The following UBAC2 variants were observed in gnomAD, a reference collection of about 807,000 sequenced individuals.
UBAC2 encodes UBA domain containing 2, also known as ubiquitin-associated domain-containing protein 2.
UBAC2 carries 26 observed loss-of-function variants against 44.0 expected under a neutral mutation model. The observed-to-expected ratio is 0.59, with a 90% confidence interval of 0.43 to 0.82. The LOEUF (loss-of-function observed/expected upper bound fraction) is 0.82. Among genes scored for constraint, UBAC2 ranks in the 40% least tolerant of loss-of-function variants. The pLI is 0.00. For missense variants in UBAC2, 329 were observed against 419.4 expected (o/e 0.78, Z 1.88); for synonymous variants, 155 against 154.3 (o/e 1.00, Z -0.04).
intron 5 of UBAC2, among the ~76,000 whole-genome samples, chr13:99,317,160 C>T (rs2044503618): frequency 6.6e-6 from 1 of 152,076 alleles, no homozygotes; most frequent in Non-Finnish European, 1.5e-5. Flanking sequence ...TCTGTGTGTC[C>T]TTGGTAAGTG....
intron 7 of UBAC2, among the ~76,000 whole-genome samples, chr13:99,358,704 G>T (rs1298024452): frequency 6.6e-6 from 1 of 152,170 alleles, no homozygotes; most frequent in Non-Finnish European, 1.5e-5. Context: ...GGTCTCACAC[G>T]GGGCAGTGAG....
chr13:99,221,978 T>G (rs2043056691), intron 1 of UBAC2, among the ~76,000 whole-genome samples: 1 of 152,212 alleles, frequency 6.6e-6, no homozygotes, highest in African/African-American at 2.4e-5. Flanking sequence ...GTCACAGTTT[T>G]GTCTTCTGTA....
chr13:99,220,607 A>G (rs1471585512), intron 1 of UBAC2, among the ~76,000 whole-genome samples: 1 of 152,180 alleles, frequency 6.6e-6, no homozygotes, highest in African/African-American at 2.4e-5. Context: ...TTACTTTTAG[A>G]TTAATGCGTT....
intron 1 of UBAC2, chr13:99,201,602 G>T: frequency 1.2e-6 from 2 of 1,611,090 alleles, no homozygotes; most frequent in Non-Finnish European, 1.7e-6. Context: ...CCAGTTAAAC[G>T]GCTTTTCTCA....
intron 4 of UBAC2, among the ~76,000 whole-genome samples, chr13:99,304,119 C>G (rs2138739501): frequency 6.6e-6 from 1 of 152,328 alleles, no homozygotes; most frequent in African/African-American, 2.4e-5. Flanking sequence ...CCCTCATGAT[C>G]TGAGCTCCAT....
At chr13:99,362,822 T>G (rs1019599680) in intron 7 of UBAC2, among the ~76,000 whole-genome samples, 1 of 152,246 alleles carries the variant, frequency 6.6e-6, no homozygotes, top group Non-Finnish European at 1.5e-5. Context: ...TGTAAACATT[T>G]TCTCTCAATC....
intron 7 of UBAC2, among the ~76,000 whole-genome samples, chr13:99,357,389 T>C (rs188316249): frequency 6.6e-6 from 1 of 152,218 alleles, no homozygotes; most frequent in African/African-American, 2.4e-5. Context: ...CCTGAAGTGC[T>C]TCTTGTTTAG....
rs1251958876 is a variant in UBAC2 at position 99,287,628 on chromosome 13, CTTTTTTTTTTCTTTCTTTTTT to C, written c.390-26458_390-26438del. ...GTAAGGAAAAATATCTTTCTTTCTTCTTTTTTTTTTCTTTCTTTTTTTTTTTTTTTTTTTTTGGTAGAGACG... is the reference window on the plus strand; with the variant it reads ...GTAAGGAAAAATATCTTTCTTTCTTCTTTTTTTTTTTTTTTGGTAGAGACG... On this transcript the variant is annotated intron_variant, in intron 4 of 8. Transcript: ENST00000403766. Among the ~76,000 whole-genome samples the C allele has an allele frequency of 1.3e-3, 164 of 127,052 alleles. 3 individuals carry two copies. The Middle Eastern group carries it at 0.016, about 12-fold the overall frequency. 83.4% of individuals were successfully genotyped at this position (127,052 alleles called of 152,430 possible). A position where few individuals can be genotyped will look rare whatever the true frequency, so the allele number is the denominator to read the frequency against.
chr13:99,208,096 T>G (rs565373208), intron 1 of UBAC2, among the ~76,000 whole-genome samples: 2 of 151,394 alleles, frequency 1.3e-5, no homozygotes, highest in Admixed American at 6.6e-5. Context: ...CTCCTGGGTT[T>G]GAGCAATTCT....
chr13:99,310,508 GAAAAGA>G (rs2044397520), intron 4 of UBAC2, among the ~76,000 whole-genome samples: 2 of 152,150 alleles, frequency 1.3e-5, no homozygotes, highest in Admixed American at 1.3e-4. Flanking sequence ...ATAAAATAAG[GAAAAGA>G]AAAAGACTGG....
At chr13:99,331,780 T>G (rs1328192065) in intron 6 of UBAC2, among the ~76,000 whole-genome samples, 1 of 152,274 alleles carries the variant, frequency 6.6e-6, no homozygotes, top group African/African-American at 2.4e-5. Context: ...AGTTCCCTTA[T>G]GCTTTCTCTA....
At chr13:99,307,494 A>G (rs1444821000) in intron 4 of UBAC2, 1 of 151,346 alleles carries the variant, frequency 6.6e-6, no homozygotes, top group Non-Finnish European at 1.5e-5. Context: ...GTGACTGAGC[A>G]TGTAATGAGC....
At chr13:99,241,642 G>C (rs1342332533) in intron 2 of UBAC2, among the ~76,000 whole-genome samples, 1 of 151,910 alleles carries the variant, frequency 6.6e-6, no homozygotes, top group African/African-American at 2.4e-5. Context: ...GAAGAGTTCT[G>C]GAAATAGATA....
intron 6 of UBAC2, among the ~76,000 whole-genome samples, chr13:99,336,887 C>G (rs2044796115): frequency 6.6e-6 from 1 of 151,920 alleles, no homozygotes; most frequent in Admixed American, 6.6e-5. Flanking sequence ...GCCTGGCCAG[C>G]CCCGCAGCCC....
At chr13:99,244,837 C>CTT (rs371728608) in intron 4 of UBAC2, among the ~76,000 whole-genome samples, 2 of 145,630 alleles carry the variant, frequency 1.4e-5, no homozygotes, top group Non-Finnish European at 1.5e-5. Context: ...ATTTATTTTA[C>CTT]TTTTTTTTTT....
chr13:99,273,022 T>A (rs2043837389), intron 4 of UBAC2, among the ~76,000 whole-genome samples: 2 of 151,950 alleles, frequency 1.3e-5, no homozygotes, highest in African/African-American at 4.8e-5. Context: ...TTTTGGTTCA[T>A]CTTTTCAAGA....
intron 1 of UBAC2, among the ~76,000 whole-genome samples, chr13:99,206,244 G>C (rs966272782): frequency 6.6e-6 from 1 of 152,220 alleles, no homozygotes; most frequent in Non-Finnish European, 1.5e-5. Context: ...GAGTAGGTGA[G>C]AGTTAGGTTG....
At chr13:99,284,120 AG>A (rs2043989079) in intron 4 of UBAC2, among the ~76,000 whole-genome samples, 1 of 152,228 alleles carries the variant, frequency 6.6e-6, no homozygotes, top group South Asian at 2.1e-4. Context: ...TGCCAGACTG[AG>A]GCTGTGTATT....
chr13:99,258,776 A>G (rs2043612944), intron 4 of UBAC2, among the ~76,000 whole-genome samples: 1 of 152,218 alleles, frequency 6.6e-6, no homozygotes, highest in Non-Finnish European at 1.5e-5. Context: ...TAAACCAGAA[A>G]GATCCCAAGT....
Sources: allele counts gnomAD v4.1 joint callset (sites outside exome capture counted in the v4.1 genomes callset), GRCh38; gene constraint gnomAD v4.1.1; transcripts MANE v1.5; gene names NCBI Gene and HGNC (gene_info 2026-07-23, HGNC 2026-07-21).